TTC7A: variants seen among roughly 807,000 people sequenced by gnomAD.
TTC7A encodes tetratricopeptide repeat domain 7A.
TTC7A carries 110 observed loss-of-function variants against 103.7 expected under a neutral mutation model. The observed-to-expected ratio is 1.06, with a 90% confidence interval of 0.91 to 1.24. The LOEUF (loss-of-function observed/expected upper bound fraction) is 1.24. Among genes scored for constraint, TTC7A ranks in the 50% most tolerant of loss-of-function variants. The pLI, the probability that TTC7A is intolerant of heterozygous loss-of-function variation, is 0.00. For missense variants in TTC7A, 1,340 were observed against 1,116.3 expected (o/e 1.20, Z -2.86); for synonymous variants, 521 against 467.9 (o/e 1.11, Z -1.47).
intron 2 of TTC7A, among the ~76,000 whole-genome samples, chr2:46,926,648 C>T (rs141340033): frequency 5.3e-5 from 8 of 152,278 alleles, no homozygotes; most frequent in East Asian, 3.9e-4. Flanking sequence ...AGCAACTGGA[C>T]GTCCTTTCAG....
chr2:46,923,295 G>A (rs1011443603), intron 2 of TTC7A, among the ~76,000 whole-genome samples: 5 of 152,218 alleles, frequency 3.3e-5, no homozygotes, highest in Non-Finnish European at 7.3e-5. Context: ...GAGGTTGGAG[G>A]TGGGGCTAAG....
At chr2:47,041,352 G>T (rs1681725177) in intron 15 of TTC7A, among the ~76,000 whole-genome samples, 1 of 152,240 alleles carries the variant, frequency 6.6e-6, no homozygotes, top group South Asian at 2.1e-4. Flanking sequence ...GCAGGCACTT[G>T]CAGACCAGGT....
chr2:47,002,843 A>G (rs1676973715), intron 8 of TTC7A, among the ~76,000 whole-genome samples: 1 of 151,546 alleles, frequency 6.6e-6, no homozygotes, highest in Non-Finnish European at 1.5e-5. Context: ...CATAGTAACC[A>G]CTCAGCCCAC....
At chr2:47,047,226 T>A (rs1682415022) in intron 16 of TTC7A, 1 of 1,284,164 alleles carries the variant, frequency 7.8e-7, no homozygotes, top group Non-Finnish European at 1.1e-6. Flanking sequence ...CCCTGAGGCC[T>A]CAGGGGACCC....
At chr2:47,019,124 T>C (rs1032625101) in intron 11 of TTC7A, among the ~76,000 whole-genome samples, 3 of 152,228 alleles carry the variant, frequency 2.0e-5, no homozygotes, top group African/African-American at 7.2e-5. Flanking sequence ...ATTAATACTG[T>C]GTGCTATTGT....
Position 46,922,300 on chromosome 2 carries a change from G to A in TTC7A, c.82+5023G>A, listed in dbSNP as rs116006165. ...CTCATGGTTGATTATTTCCTTGAGC[G>A]TTTTTATAATTTTTGATGACGAGTT... On this transcript the variant is annotated intron_variant, in intron 2 of 20. Transcript: ENST00000409245. Among the ~76,000 whole-genome samples, 790 of 152,256 alleles carry A rather than the reference G, an allele frequency of 5.2e-3. 6 individuals are homozygous for A. The highest frequency in any genetic ancestry group is 0.017 in the African/African-American group (718 of 41,548).
chr2:47,038,800 A>G (rs1681436786), intron 15 of TTC7A, among the ~76,000 whole-genome samples: 1 of 151,750 alleles, frequency 6.6e-6, no homozygotes, highest in Non-Finnish European at 1.5e-5. Context: ...ACTTCCTTGG[A>G]GCTGCTTGGA....
At chr2:47,072,817 C>CG (rs1213116371) in intron 19 of TTC7A, among the ~76,000 whole-genome samples, 1 of 3,946 alleles carries the variant, frequency 2.5e-4, no homozygotes, top group East Asian at 0.17. Context: ...GGGGGCCCTG[C>CG]CCTCTCCCTC....
chr2:46,944,032 C>T (rs952937716), intron 1 of TTC7A, among the ~76,000 whole-genome samples: 7 of 152,138 alleles, frequency 4.6e-5, no homozygotes, highest in African/African-American at 1.4e-4. Flanking sequence ...TCTAAGGTTG[C>T]TCCTCACCAC....
At chr2:47,054,601 G>A (rs556769345) in intron 18 of TTC7A, among the ~76,000 whole-genome samples, 1 of 152,214 alleles carries the variant, frequency 6.6e-6, no homozygotes, top group Non-Finnish European at 1.5e-5. Flanking sequence ...GGGAGGCCGA[G>A]GCAGGCAGAC....
At chr2:46,918,137 C>G (rs980296582) in intron 2 of TTC7A, among the ~76,000 whole-genome samples, 2 of 152,212 alleles carry the variant, frequency 1.3e-5, no homozygotes, top group African/African-American at 2.4e-5. Flanking sequence ...AGACTGGCAT[C>G]TCAAACTTAA....
chr2:47,001,338 C>A (rs1254692960), intron 8 of TTC7A, among the ~76,000 whole-genome samples: 5 of 152,162 alleles, frequency 3.3e-5, no homozygotes, highest in Non-Finnish European at 7.3e-5. Flanking sequence ...CAGAGGAGCC[C>A]CCAGGCAGCT....
chr2:47,017,916 AATAC>A (rs1558583061), intron 11 of TTC7A, among the ~76,000 whole-genome samples: 1 of 139,536 alleles, frequency 7.2e-6, no homozygotes, highest in East Asian at 2.2e-4. Context: ...TTAATTGTAT[AATAC>A]ATATACAAAA....
chr2:46,987,990 G>C (rs531609765), intron 5 of TTC7A, among the ~76,000 whole-genome samples: 1 of 152,268 alleles, frequency 6.6e-6, no homozygotes, highest in South Asian at 2.1e-4. Flanking sequence ...GTATCTGCAG[G>C]GCTAGGGGAG....
chr2:47,028,872 C>T (rs1680200793), intron 14 of TTC7A, among the ~76,000 whole-genome samples: 1 of 152,158 alleles, frequency 6.6e-6, no homozygotes, highest in Admixed American at 6.5e-5. Flanking sequence ...ATCATCTCCT[C>T]CTGGAAGGCA....
At chr2:47,012,306 C>G (rs1678159593) in intron 11 of TTC7A, among the ~76,000 whole-genome samples, 1 of 152,222 alleles carries the variant, frequency 6.6e-6, no homozygotes, top group African/African-American at 2.4e-5. Flanking sequence ...CTATTTCTAC[C>G]CTCTCAAGCA....
rs116129829 is a variant in TTC7A, at chr2:47,011,776, G to A, written c.1392+341G>A. Among the ~76,000 whole-genome samples, 1,440 of 152,352 alleles carry A rather than the reference G, an allele frequency of 9.5e-3. 23 individuals are homozygous for A. The highest frequency in any genetic ancestry group is 0.032 in the African/African-American group (1,343 of 41,574). On this transcript the variant is annotated intron_variant, in intron 11 of 19. Coordinates refer to ENST00000319190, the MANE Select transcript of TTC7A (RefSeq NM_020458.4). ...CTGGACCAGCCTCATCATTTCTGAG[G>A]CTTCAGATGACCTTAGCATCCAATC...
In TTC7A at chr2:46,969,666, C is replaced by A. The variant is rs1251105774; in HGVS notation, c.518-5307C>A. Among the ~76,000 whole-genome samples, 5 of 152,248 alleles carry A rather than the reference C, an allele frequency of 3.3e-5. No individual in the cohort carries two copies. In the East Asian group the frequency reaches 9.7e-4, roughly 30 times the overall value. ...GACCTCGTGATCCGTCCGCCTCGGCCTCCCAAAGTGCTGGGATTACAGGCA... is the reference window on the plus strand; with the variant it reads ...GACCTCGTGATCCGTCCGCCTCGGCATCCCAAAGTGCTGGGATTACAGGCA... On this transcript the variant is annotated intron_variant, in intron 3 of 19. Coordinates refer to ENST00000319190, the MANE Select transcript of TTC7A (RefSeq NM_020458.4).
intron 2 of TTC7A, among the ~76,000 whole-genome samples, chr2:46,929,443 A>T (rs1189134430): frequency 6.6e-6 from 1 of 152,086 alleles, no homozygotes; most frequent in African/African-American, 2.4e-5. Context: ...ATGATAGCGC[A>T]ACTACACTCC....
Sources: allele counts gnomAD v4.1 joint callset (sites outside exome capture counted in the v4.1 genomes callset), GRCh38; gene constraint gnomAD v4.1.1; transcripts MANE v1.5; gene names NCBI Gene and HGNC (gene_info 2026-07-23, HGNC 2026-07-21).